The following GAS6 variants were observed in gnomAD, a reference collection of about 807,000 sequenced individuals.
GAS6 encodes growth arrest specific 6, also known as growth arrest-specific protein 6.
In GAS6, 41 loss-of-function variants were observed where a neutral mutation model predicts 75.8. The observed-to-expected ratio is 0.54, with a 90% CI of 0.42 to 0.70. GAS6 has a LOEUF of 0.70. Among genes scored for constraint, GAS6 ranks in the 30% least tolerant of loss-of-function variants. GAS6 has a pLI of 0.00. For missense variants in GAS6, 854 were observed against 940.2 expected, an observed-to-expected ratio of 0.91 and a Z score of 1.20; for synonymous variants, 432 against 412.6, an observed-to-expected ratio of 1.05 and a Z score of -0.57.
chr13:113,823,747 G>C (rs780690847), intron 12 of GAS6, among the ~76,000 whole-genome samples, 197 bp from the exon 13 acceptor site: 1 of 152,334 alleles, frequency 6.6e-6, no homozygotes, highest in African/African-American at 2.4e-5. Flanking sequence ...GGGACCCCCA[G>C]GCTGTTTCTC....
chr13:113,856,530 T>G (rs2051916145), intron 2 of GAS6, among the ~76,000 whole-genome samples: 1 of 152,000 alleles, frequency 6.6e-6, no homozygotes, highest in East Asian at 1.9e-4. Flanking sequence ...TCTTTCAGAC[T>G]AACAGACGAG....
chr13:113,846,866 A>G, intron 3 of GAS6: 1 of 513,016 alleles, frequency 1.9e-6, no homozygotes, highest in Non-Finnish European at 3.6e-6. Context: ...CTCCTGCCAT[A>G]CGGGAGAATC....
At chr13:113,855,137 G>C (rs1019760801) in intron 2 of GAS6, among the ~76,000 whole-genome samples, 2 of 152,276 alleles carry the variant, frequency 1.3e-5, no homozygotes, top group Non-Finnish European at 2.9e-5. Flanking sequence ...TGATTCTGCA[G>C]TTAGAGCCGT....
chr13:113,836,953 G>C (rs992935787), intron 6 of GAS6, among the ~76,000 whole-genome samples: 2 of 150,584 alleles, frequency 1.3e-5, no homozygotes, highest in Non-Finnish European at 3.0e-5. Context: ...AGGAGAGGAC[G>C]GGAATGCCTC....
intron 2 of GAS6, among the ~76,000 whole-genome samples, chr13:113,853,576 C>A (rs2051892223): frequency 6.6e-6 from 1 of 152,212 alleles, no homozygotes; most frequent in Non-Finnish European, 1.5e-5. Flanking sequence ...TTCCAAAAAT[C>A]TTTATCTTAC....
chr13:113,856,412 T>C (rs951159324), intron 2 of GAS6, among the ~76,000 whole-genome samples: 3 of 152,096 alleles, frequency 2.0e-5, no homozygotes, highest in African/African-American at 7.2e-5. Flanking sequence ...TTTCCACATC[T>C]GTAAAATGGC....
chr13:113,823,123 T>A (rs890266037), intron 13 of GAS6: 2 of 439,478 alleles, frequency 4.6e-6, no homozygotes, highest in African/African-American at 4.0e-5. Flanking sequence ...GGGGAAAAGC[T>A]CCCACACTGT....
intron 8 of GAS6, 73 bp from the exon 9 acceptor site, chr13:113,832,825 C>A (rs756572112): frequency 1.2e-6 from 2 of 1,603,526 alleles, no homozygotes; most frequent in Non-Finnish European, 8.5e-7. Context: ...CACGCCCCGG[C>A]CGCGCAGCGG....
At chr13:113,857,168 A>G (rs1171415320) in intron 2 of GAS6, among the ~76,000 whole-genome samples, 1 of 152,218 alleles carries the variant, frequency 6.6e-6, no homozygotes, top group Non-Finnish European at 1.5e-5. Flanking sequence ...AATTTCACCT[A>G]TAATTTGAAA....
rs1045688240 is a variant in GAS6, at chr13:113,834,839, G to C, written c.713-167C>G. 7.9e-6 allele frequency: 5 copies of C among 630,874 alleles called. No homozygotes were observed. The African/African-American group carries it at 9.4e-5, about 12-fold the overall frequency. 39.1% of individuals were successfully genotyped at this position (630,874 alleles called of 1,614,324 possible). A position where few individuals can be genotyped will look rare whatever the true frequency, so the allele number is the denominator to read the frequency against. On this transcript the variant is annotated intron_variant, in intron 7 of 14. Coordinates refer to ENST00000327773, the MANE Select transcript of GAS6 (RefSeq NM_000820.4). ...CGCGTCCCCCCCCACTGGAAAGCTA[G>C]GTTGCACCCTCGGCCTGCTCCTGCC...
chr13:113,829,935 T>A (rs2051609238), intron 10 of GAS6, among the ~76,000 whole-genome samples: 1 of 151,084 alleles, frequency 6.6e-6, no homozygotes, highest in African/African-American at 2.4e-5. Context: ...GGAGACCACC[T>A]GATCCTCACC....
Position 113,821,013 on chromosome 13 carries a change from G to A in GAS6, c.1888C>T (p.Pro630Ser). 1 of 1,612,360 alleles carries A rather than the reference G, an allele frequency of 6.2e-7. No homozygotes were observed. Among genetic ancestry groups the A allele is most frequent in the East Asian group, 2.2e-5 (1 of 44,866 alleles). The change falls in exon 15 of 15, where the codon CCG (proline) becomes TCG (serine). Residue 630 changes from proline to serine, a missense_variant. By Grantham distance (74) the Pro-to-Ser change is moderately conservative. Coordinates refer to ENST00000327773, the MANE Select transcript of GAS6 (RefSeq NM_000820.4). The stretch of plus-strand genomic sequence containing the variant: ...GCGGTGACTGGCGCTGAAGTCACCG[G>A]CACATCTGGGCCGCAGGGAGAGAAC... Reference protein sequence around the residue: ...LTFAGGLPDVPVTSAPVTAFY... With the variant: ...LTFAGGLPDVSVTSAPVTAFY...
chr13:113,838,410 G>T, intron 5 of GAS6, among the ~76,000 whole-genome samples: 1 of 148,820 alleles, frequency 6.7e-6, no homozygotes, highest in African/African-American at 2.5e-5. Context: ...GGAGCAGGAG[G>T]AAGGGACCCC....
chr13:113,848,067 AG>A lies in GAS6; in HGVS notation c.256-18del, dbSNP rs764754662. ...AAAATAATCCTGTGGAAAAAGAAAAAGAAAAGGCAAGCATTGACCGGCACAC... is the reference window on the plus strand; with the variant it reads ...AAAATAATCCTGTGGAAAAAGAAAAAAAAAGGCAAGCATTGACCGGCACAC... On this transcript the variant is annotated intron_variant, in intron 2 of 14. Coordinates refer to ENST00000327773, the MANE Select transcript of GAS6 (RefSeq NM_000820.4). The surrounding 1 kb of genome is among the most constrained non-coding windows in gnomAD (Gnocchi z 4.8). The A allele has an allele frequency of 7.4e-6, 12 of 1,612,650 alleles. No homozygotes were observed. The highest frequency in any genetic ancestry group is 1.7e-5 in the Admixed American group (1 of 59,808).
rs2051825711 is a variant in GAS6 at position 113,845,373 on chromosome 13, A to C, written c.343+1154T>G. ...GGAAGAGACTCCTGCCTCTCCCAGG[A>C]TGACTCCGTCCCGCCACGCCTCTGC... is the stretch of plus-strand genomic sequence containing the variant. On this transcript the variant is annotated intron_variant, in intron 4 of 14. Transcript: ENST00000327773. The surrounding 1 kb of genome is among the most constrained non-coding windows in gnomAD (Gnocchi z 4.3). The C allele has an allele frequency of 6.7e-6, 1 of 150,056 alleles. No individual in the cohort carries two copies. The highest frequency in any genetic ancestry group is 1.5e-5 in the Non-Finnish European group (1 of 67,994). 9.3% of individuals were successfully genotyped at this position (150,056 alleles called of 1,614,324 possible).
chr13:113,846,935 T>C (rs566411229), intron 3 of GAS6: 2 of 464,110 alleles, frequency 4.3e-6, no homozygotes, highest in African/African-American at 2.0e-5. Flanking sequence ...CATTTTCCAG[T>C]GGACCCCCAT....
intron 8 of GAS6, among the ~76,000 whole-genome samples, chr13:113,834,222 C>T (rs922393544): frequency 7.3e-5 from 11 of 150,118 alleles, no homozygotes; most frequent in East Asian, 2.0e-4. Flanking sequence ...TGTGACAGGT[C>T]GGTGTGACAG....
chr13:113,840,010 T>C, intron 4 of GAS6, 160 bp from the exon 5 acceptor site: 2 of 1,026,674 alleles, frequency 1.9e-6, no homozygotes, highest in Non-Finnish European at 2.9e-6. Context: ...CCCTCTGTGC[T>C]GGCCTAGGGC....
intron 8 of GAS6, 120 bp downstream of exon 8, chr13:113,834,431 G>A: frequency 1.9e-6 from 2 of 1,076,542 alleles, no homozygotes; most frequent in Non-Finnish European, 2.5e-6. Flanking sequence ...ACATGGCCCT[G>A]GAGATCCCCA....
Sources: gnomAD v4.1 joint callset for allele counts (sites outside exome capture counted in the v4.1 genomes callset) on GRCh38, gnomAD v4.1.1 for gene constraint, Gnocchi (gnomAD v3.1) non-coding constraint, MANE v1.5 for transcripts, NCBI Gene and HGNC (gene_info 2026-07-23, HGNC 2026-07-21) for gene names.